The following APBB1IP variants were observed in gnomAD, a reference collection of about 807,000 sequenced individuals.
The protein encoded by APBB1IP is amyloid beta precursor protein binding family B member 1 interacting protein.
A neutral mutation model predicts 64.9 loss-of-function variants in APBB1IP; 27 were observed. The ratio of observed to expected loss-of-function variants is 0.42; its 90% CI spans 0.31 to 0.57. The LOEUF is 0.57. Ranked by LOEUF, APBB1IP falls within the 20% of genes least tolerant of loss-of-function variation. The pLI, the probability that APBB1IP is intolerant of heterozygous loss-of-function variation, is 0.20. For missense variants in APBB1IP, 812 were observed against 845.5 expected (o/e 0.96, Z 0.49); for synonymous variants, 392 against 331.0 (o/e 1.18, Z -2.00).
At chr10:26,517,322 C>T (rs7092258) in intron 8 of APBB1IP, among the ~76,000 whole-genome samples, 5 of 152,254 alleles carry the variant, frequency 3.3e-5, no homozygotes, top group East Asian at 1.9e-4. Context: ...TTGCAGCGGC[C>T]TTCCTCCTGG....
At chr10:26,459,260 G>A (rs1278923417) in intron 2 of APBB1IP, among the ~76,000 whole-genome samples, 1 of 151,758 alleles carries the variant, frequency 6.6e-6, no homozygotes, top group African/African-American at 2.4e-5. Context: ...CCCTACAAAG[G>A]ACATGAACTC....
intron 13 of APBB1IP, among the ~76,000 whole-genome samples, chr10:26,561,768 C>T (rs938790517): frequency 1.3e-5 from 2 of 152,034 alleles, no homozygotes; most frequent in Admixed American, 1.3e-4. Flanking sequence ...GGGGAAAAAC[C>T]ACATCTAATT....
chr10:26,468,526 A>G (rs1835673961), intron 2 of APBB1IP, among the ~76,000 whole-genome samples: 1 of 152,156 alleles, frequency 6.6e-6, no homozygotes. Context: ...TGAACAAGTG[A>G]TTGTTATGTG....
intron 8 of APBB1IP, among the ~76,000 whole-genome samples, chr10:26,528,994 T>A (rs1366680698): frequency 2.0e-5 from 3 of 152,212 alleles, no homozygotes. Flanking sequence ...AAATATTTCT[T>A]CACGAACTGA....
At chr10:26,524,428 G>A (rs1318269583) in intron 8 of APBB1IP, among the ~76,000 whole-genome samples, 1 of 152,000 alleles carries the variant, frequency 6.6e-6, no homozygotes, top group Admixed American at 6.6e-5. Flanking sequence ...AACAAATTAT[G>A]ACAAAATATT....
At chr10:26,459,581 A>C (rs1353700573) in intron 2 of APBB1IP, among the ~76,000 whole-genome samples, 4 of 152,176 alleles carry the variant, frequency 2.6e-5, no homozygotes, top group Non-Finnish European at 4.4e-5. Context: ...CTATTTCTCC[A>C]CATCCTCTCC....
chr10:26,519,325 C>T lies in APBB1IP; in HGVS notation c.813+5665C>T, dbSNP rs549177974. 5.9e-5 allele frequency among the ~76,000 whole-genome samples: 9 copies of T among 152,256 alleles called. No individual in the cohort carries two copies. The South Asian group carries it at 1.9e-3, about 32-fold the overall frequency. ...AAAAAGAAAAGAGGTTTAATGGGCT[C>T]ATGGTTCTGCAAGCTGTACAGGAAG... is the stretch of plus-strand genomic sequence containing the variant. On this transcript the variant is annotated intron_variant, in intron 8 of 14. Transcript: ENST00000376236.
chr10:26,466,779 T>A (rs1452594165), intron 2 of APBB1IP, among the ~76,000 whole-genome samples: 2 of 152,156 alleles, frequency 1.3e-5, no homozygotes, highest in South Asian at 2.1e-4. Context: ...CTACAAAAAA[T>A]TTAAAAATTA....
chr10:26,448,478 A>C (rs556363848), intron 2 of APBB1IP, among the ~76,000 whole-genome samples: 28 of 152,344 alleles, frequency 1.8e-4, no homozygotes, highest in Non-Finnish European at 3.8e-4. Flanking sequence ...CTAGTGGCTG[A>C]ATTGGGCAGT....
chr10:26,445,932 C>G (rs1835393162), intron 2 of APBB1IP, among the ~76,000 whole-genome samples: 2 of 152,112 alleles, frequency 1.3e-5, no homozygotes, highest in Non-Finnish European at 2.9e-5. Context: ...TGCTATCAAG[C>G]CAGGGTAATA....
chr10:26,459,712 A>G (rs191516655), intron 2 of APBB1IP, among the ~76,000 whole-genome samples: 1 of 152,084 alleles, frequency 6.6e-6, no homozygotes. Context: ...AGTTTTTTTT[A>G]AAATTTGTTT....
chr10:26,514,676 T>TAAA (rs33916010), intron 8 of APBB1IP, among the ~76,000 whole-genome samples: 7 of 147,184 alleles, frequency 4.8e-5, no homozygotes, highest in Admixed American at 1.4e-4. Flanking sequence ...TTTTACAGGT[T>TAAA]AAAAAAAAAA....
intron 2 of APBB1IP, among the ~76,000 whole-genome samples, chr10:26,489,229 A>G (rs997498091): frequency 6.6e-5 from 10 of 152,192 alleles, no homozygotes; most frequent in Non-Finnish European, 1.2e-4. Context: ...AGCTCAGGGT[A>G]GTTTTTGTGT....
chr10:26,476,321 C>A (rs1244779581), intron 2 of APBB1IP, among the ~76,000 whole-genome samples: 1 of 150,952 alleles, frequency 6.6e-6, no homozygotes, highest in Non-Finnish European at 1.5e-5. Flanking sequence ...GTGGTGTGCA[C>A]CTGTAGTCCC....
intron 6 of APBB1IP, among the ~76,000 whole-genome samples, chr10:26,506,250 T>TGGGGGGGG (rs60855722): frequency 1.6e-5 from 1 of 62,430 alleles, no homozygotes. Flanking sequence ...CGTGTGTGTG[T>TGGGGGGGG]GGGGGGGGGG....
intron 6 of APBB1IP, among the ~76,000 whole-genome samples, chr10:26,510,602 G>A (rs1036256160): frequency 6.6e-6 from 1 of 151,924 alleles, no homozygotes; most frequent in African/African-American, 2.4e-5. Context: ...TGGGTGTGGT[G>A]GTGCACACCT....
At chr10:26,535,628 T>C (rs1836611519) in intron 9 of APBB1IP, among the ~76,000 whole-genome samples, 1 of 152,250 alleles carries the variant, frequency 6.6e-6, no homozygotes, top group South Asian at 2.1e-4. Flanking sequence ...ATAATTGTTC[T>C]ATTTACCAGC....
intron 8 of APBB1IP, among the ~76,000 whole-genome samples, chr10:26,525,531 C>T (rs1836463304): frequency 6.6e-6 from 1 of 152,076 alleles, no homozygotes; most frequent in Admixed American, 6.6e-5. Context: ...GATGTGGTCT[C>T]TTTTGGGAAA....
chr10:26,553,364 C>T (rs1236125278), intron 11 of APBB1IP, among the ~76,000 whole-genome samples: 1 of 151,954 alleles, frequency 6.6e-6, no homozygotes, highest in Non-Finnish European at 1.5e-5. Flanking sequence ...CAACAACATT[C>T]CTTTCAGCCA....
Sources: allele counts gnomAD v4.1 joint callset (sites outside exome capture counted in the v4.1 genomes callset), GRCh38; gene constraint gnomAD v4.1.1; transcripts MANE v1.5; gene names NCBI Gene and HGNC (gene_info 2026-07-23, HGNC 2026-07-21).